The following YWHAE variants were observed in gnomAD, a reference collection of about 807,000 sequenced individuals.
YWHAE encodes 14-3-3 protein epsilon.
YWHAE carries 4 observed loss-of-function variants against 30.1 expected under a neutral mutation model. The ratio of observed to expected loss-of-function variants is 0.13; its 90% CI spans 0.07 to 0.30. The LOEUF is 0.30. Among genes scored for constraint, YWHAE ranks in the 10% least tolerant of loss-of-function variants. The pLI, the probability that YWHAE is intolerant of heterozygous loss-of-function variation, is 1.00. For synonymous variants in YWHAE, 118 were observed against 111.8 expected (o/e 1.06, Z -0.35); for missense variants, 121 against 315.9 (o/e 0.38, Z 4.68).
intron 5 of YWHAE, among the ~76,000 whole-genome samples, chr17:1,349,298 C>A (rs950010170): frequency 3.9e-5 from 6 of 152,114 alleles, no homozygotes; most frequent in African/African-American, 1.2e-4. Flanking sequence ...GCAGAGATTG[C>A]GCCACTATAC....
intron 1 of YWHAE, among the ~76,000 whole-genome samples, chr17:1,381,933 AG>A (rs1184898901): frequency 8.5e-4 from 123 of 144,234 alleles, no homozygotes; most frequent in African/African-American, 2.9e-3. Context: ...AAAAAAAAAA[AG>A]ACAGGCAGAC....
At chr17:1,380,575 G>T in intron 1 of YWHAE, among the ~76,000 whole-genome samples, 1 of 152,148 alleles carries the variant, frequency 6.6e-6, no homozygotes, top group East Asian at 1.9e-4. Flanking sequence ...TCAATTAAAT[G>T]TTTAATTTCT....
intron 1 of YWHAE, chr17:1,398,825 G>A (rs1264544420): frequency 6.6e-6 from 1 of 152,170 alleles, no homozygotes; most frequent in East Asian, 1.9e-4. Flanking sequence ...AAAAGGACTG[G>A]AGAACCCATT....
At chr17:1,345,637 A>G (rs1186262220) in intron 5 of YWHAE, 138 bp from the exon 6 acceptor site, 1 of 826,968 alleles carries the variant, frequency 1.2e-6, no homozygotes, top group Admixed American at 2.3e-5. Flanking sequence ...AAGGACTTCT[A>G]TCATCCTTGA....
chr17:1,361,322 A>G (rs2072861709), intron 3 of YWHAE, 24 bp from the exon 4 acceptor site: 2 of 1,552,046 alleles, frequency 1.3e-6, no homozygotes, highest in Admixed American at 4.3e-5. Flanking sequence ...AAAATTAAAA[A>G]AAAAAAAAAA....
chr17:1,399,587 G>A (rs896498256), intron 1 of YWHAE: 10 of 195,642 alleles, frequency 5.1e-5, no homozygotes, highest in Non-Finnish European at 9.7e-5. Context: ...ATATTTCCCT[G>A]AAAGGCGCCC....
chr17:1,385,699 C>T (rs755514828), intron 1 of YWHAE, among the ~76,000 whole-genome samples: 48 of 152,236 alleles, frequency 3.2e-4, no homozygotes, highest in African/African-American at 1.1e-3. Flanking sequence ...TTAATGGCTC[C>T]TATCCCAATA....
chr17:1,379,101 G>T (rs1291593240), intron 1 of YWHAE, among the ~76,000 whole-genome samples: 2 of 152,114 alleles, frequency 1.3e-5, no homozygotes, highest in Non-Finnish European at 2.9e-5. Context: ...GCTGCTTGAA[G>T]CCTGCTTAAA....
At chr17:1,372,690 C>T (rs1048203160) in intron 1 of YWHAE, among the ~76,000 whole-genome samples, 4 of 152,176 alleles carry the variant, frequency 2.6e-5, no homozygotes, top group Non-Finnish European at 4.4e-5. Flanking sequence ...CAAGAGCTCA[C>T]GCCTGTAATC....
intron 1 of YWHAE, among the ~76,000 whole-genome samples, chr17:1,393,664 C>G (rs2073422070): frequency 1.3e-5 from 2 of 152,176 alleles, no homozygotes; most frequent in Admixed American, 1.3e-4. Context: ...CTCCTGACCT[C>G]AGGTGATCCG....
chr17:1,364,074 A>G (rs1431164105), intron 2 of YWHAE, among the ~76,000 whole-genome samples: 1 of 152,212 alleles, frequency 6.6e-6, no homozygotes, highest in Non-Finnish European at 1.5e-5. Flanking sequence ...CATTACAGTG[A>G]TGGCTGTCCA....
intron 5 of YWHAE, 72 bp downstream of exon 5, chr17:1,354,139 G>C (rs1465599026): frequency 2.2e-5 from 34 of 1,544,470 alleles, no homozygotes; most frequent in Non-Finnish European, 3.0e-5. Context: ...GACAAGCCAA[G>C]GAATGTCTAA....
At chr17:1,355,558 G>A (rs1262914106) in intron 4 of YWHAE, among the ~76,000 whole-genome samples, 1 of 152,086 alleles carries the variant, frequency 6.6e-6, no homozygotes, top group Non-Finnish European at 1.5e-5. Context: ...AGGCAACACA[G>A]ACGCCATGGA....
At chr17:1,394,460 A>AAAAAAAAAAAAAAAAAAACC (rs1555647412) in intron 1 of YWHAE, among the ~76,000 whole-genome samples, 4 of 137,630 alleles carry the variant, frequency 2.9e-5, no homozygotes, top group African/African-American at 1.1e-4. Context: ...AAAAAAAAAA[A>AAAAAAAAAAAAAAAAAAACC]ACACAAAAAT....
chr17:1,379,407 C>G (rs531146397), intron 1 of YWHAE, among the ~76,000 whole-genome samples: 8 of 152,158 alleles, frequency 5.3e-5, no homozygotes, highest in African/African-American at 1.9e-4. Flanking sequence ...ATCAACTGAG[C>G]CCAGGAAGTC....
intron 1 of YWHAE, among the ~76,000 whole-genome samples, chr17:1,376,335 G>A (rs747372945): frequency 5.6e-4 from 85 of 151,912 alleles, no homozygotes; most frequent in South Asian, 1.0e-3. Flanking sequence ...AACGAAGACA[G>A]AAAGACAGAC....
At chr17:1,362,955 C>A (rs2072886132) in intron 2 of YWHAE, among the ~76,000 whole-genome samples, 1 of 152,142 alleles carries the variant, frequency 6.6e-6, no homozygotes, top group Non-Finnish European at 1.5e-5. Context: ...TGATGATCTA[C>A]ATTCTATTTC....
rs2073545205 is a variant in YWHAE at position 1,400,102 on chromosome 17, A to G, written c.9T>C (p.Asp3=). Residue 3 remains aspartate, a synonymous_variant, in exon 1 of 6, where the codon GAT becomes GAC. Transcript: ENST00000264335. MD[D]REDLVYQAKL... The stretch of plus-strand genomic sequence containing the variant: ...TCGCCTGGTACACCAGATCCTCTCG[A>G]TCATCCATAGCGGCAGCGGCTCCGG... 1 of 1,613,546 alleles carries G rather than the reference A, an allele frequency of 6.2e-7. No individual in the cohort carries two copies. Among genetic ancestry groups the G allele is most frequent in the African/African-American group, 1.3e-5 (1 of 74,744 alleles).
chr17:1,382,005 A>C (rs552470546), intron 1 of YWHAE, among the ~76,000 whole-genome samples: 2 of 150,896 alleles, frequency 1.3e-5, no homozygotes, highest in African/African-American at 4.9e-5. Flanking sequence ...TTATTAAAGG[A>C]GACTCAAACC....
Sources: gnomAD v4.1 joint callset for allele counts (sites outside exome capture counted in the v4.1 genomes callset) on GRCh38, gnomAD v4.1.1 for gene constraint, MANE v1.5 for transcripts, NCBI Gene and HGNC (gene_info 2026-07-23, HGNC 2026-07-21) for gene names.